The following NOL11 variants were observed in gnomAD, a reference collection of about 807,000 sequenced individuals.
The protein encoded by NOL11 is nucleolar protein 11.
In NOL11, 42 loss-of-function variants were observed where a neutral mutation model predicts 93.0. The observed-to-expected ratio is 0.45, with a 90% CI of 0.35 to 0.58. NOL11 has a LOEUF of 0.58. NOL11 is among the 20% of genes least tolerant of loss of function. NOL11 has a pLI of 0.00. For synonymous variants in NOL11, 296 were observed against 293.7 expected (o/e 1.01, Z -0.08); for missense variants, 775 against 841.8 (o/e 0.92, Z 0.98).
intron 7 of NOL11, among the ~76,000 whole-genome samples, chr17:67,732,832 C>A (rs2055166796): frequency 6.6e-6 from 1 of 151,540 alleles, no homozygotes; most frequent in South Asian, 2.1e-4. Flanking sequence ...TCTCGGCCTC[C>A]CAAAGTGCTA....
At chr17:67,724,332 CTTTT>C (rs34287872) in intron 6 of NOL11, 139 bp downstream of exon 6, 1,528 of 249,230 alleles carry the variant, frequency 6.1e-3, no homozygotes, top group South Asian at 0.013. Flanking sequence ...CATGCCTTCA[CTTTT>C]TTTTTTTTTT....
At chr17:67,729,703 C>G (rs1219354808) in intron 7 of NOL11, among the ~76,000 whole-genome samples, 1 of 152,104 alleles carries the variant, frequency 6.6e-6, no homozygotes, top group South Asian at 2.1e-4. Context: ...CTCAGCCTCC[C>G]GAGTAGCTGG....
intron 7 of NOL11, among the ~76,000 whole-genome samples, chr17:67,728,036 T>G (rs767810045): frequency 1.1e-4 from 16 of 151,906 alleles, no homozygotes; most frequent in Non-Finnish European, 1.5e-4. Context: ...CAAGACGGGC[T>G]GATCACAAGG....
At chr17:67,725,999 C>T (rs937955878) in intron 6 of NOL11, among the ~76,000 whole-genome samples, 1 of 152,134 alleles carries the variant, frequency 6.6e-6, no homozygotes, top group Non-Finnish European at 1.5e-5. Context: ...AAAGATAGAT[C>T]ACTTGAGCCC....
At position 67,743,470 on chromosome 17, in the gene NOL11, C is replaced by T. The variant is rs200362141; in HGVS notation, c.1936-9C>T. ...AAAATCTTAACTTCCTTTTCCTATT[C>T]ATCTTCAGATTATGGATTGGATATG... On this transcript the variant is annotated splice_polypyrimidine_tract_variant and intron_variant, in intron 16 of 17. Transcript: ENST00000253247. 49 of 1,236,204 alleles carry T rather than the reference C, an allele frequency of 4.0e-5. No homozygotes were observed. Among genetic ancestry groups the T allele is most frequent in the Non-Finnish European group, 5.6e-5 (48 of 854,376 alleles). The allele number at this position is 1,236,204 out of a possible 1,614,324, so 76.6% of individuals were successfully genotyped here. A position where few individuals can be genotyped will look rare whatever the true frequency, so the allele number is the denominator to read the frequency against.
At chr17:67,735,471 C>CTTTT (rs2055192707) in intron 8 of NOL11, among the ~76,000 whole-genome samples, 1 of 148,736 alleles carries the variant, frequency 6.7e-6, no homozygotes. Context: ...TTTTTATTTC[C>CTTTT]TTGTTCCCTC....
At chr17:67,720,826 T>G (rs568368076) in intron 3 of NOL11, among the ~76,000 whole-genome samples, 39 of 152,368 alleles carry the variant, frequency 2.6e-4, no homozygotes, top group Admixed American at 9.1e-4. Flanking sequence ...AATTCAGATA[T>G]AATGCAGTTG....
At chr17:67,724,828 G>T (rs1377841673) in intron 6 of NOL11, among the ~76,000 whole-genome samples, 1 of 152,136 alleles carries the variant, frequency 6.6e-6, no homozygotes, top group Non-Finnish European at 1.5e-5. Context: ...GGAGGCTGAG[G>T]TGGGCAGATC....
intron 6 of NOL11, 116 bp downstream of exon 6, chr17:67,724,309 T>TA (rs1218353963): frequency 1.7e-6 from 1 of 584,902 alleles, no homozygotes; most frequent in African/African-American, 1.9e-5. Flanking sequence ...TTTCTGTGCT[T>TA]CTTTACAGCG....
chr17:67,743,342 C>T, intron 16 of NOL11, 137 bp from the exon 17 acceptor site: 3 of 448,170 alleles, frequency 6.7e-6, no homozygotes, highest in Non-Finnish European at 8.0e-6. Context: ...GAAATTGCTC[C>T]ATCTCTAAAC....
In NOL11 at chr17:67,735,888, C is replaced by A; in HGVS notation, c.931-12C>A. The A allele has an allele frequency of 6.3e-7, 1 of 1,596,960 alleles. No individual in the cohort carries two copies. The highest frequency in any genetic ancestry group is 1.1e-5 in the South Asian group (1 of 87,916). ...AAAAATTTGCTTATGTTTTTGATAA[C>A]TTTTTTTGTAGCTCTGGTATTATGG... On this transcript the variant is annotated splice_polypyrimidine_tract_variant and intron_variant, in intron 8 of 17. Transcript: ENST00000253247.
chr17:67,731,782 C>G (rs2055156368), intron 7 of NOL11, among the ~76,000 whole-genome samples: 1 of 152,148 alleles, frequency 6.6e-6, no homozygotes, highest in Admixed American at 6.5e-5. Context: ...CACAGTGGTC[C>G]TGGCACCTTT....
chr17:67,731,194 A>G (rs932927426), intron 7 of NOL11, among the ~76,000 whole-genome samples: 1 of 150,186 alleles, frequency 6.7e-6, no homozygotes, highest in African/African-American at 2.5e-5. Context: ...ATTTCCAAAT[A>G]TTTTCTCCCA....
chr17:67,738,042 A>C (rs970748529), intron 13 of NOL11, 70 bp downstream of exon 13: 5 of 1,555,032 alleles, frequency 3.2e-6, no homozygotes, highest in African/African-American at 1.4e-5. Context: ...GATTTCCAAA[A>C]TTTTGATGCT....
At chr17:67,727,722 G>C (rs1188503174) in intron 7 of NOL11, among the ~76,000 whole-genome samples, 1 of 152,002 alleles carries the variant, frequency 6.6e-6, no homozygotes, top group Non-Finnish European at 1.5e-5. Flanking sequence ...CCAGCACCTG[G>C]GGAGGCTGAG....
At chr17:67,722,519 T>C (rs2043225081) in intron 4 of NOL11, 61 bp from the exon 5 acceptor site, 1 of 1,530,972 alleles carries the variant, frequency 6.5e-7, no homozygotes, top group Non-Finnish European at 8.7e-7. Context: ...TTTTGATTGA[T>C]ATGTGTCTCC....
intron 10 of NOL11, 105 bp downstream of exon 10, chr17:67,736,859 C>G: frequency 1.1e-6 from 1 of 890,034 alleles, no homozygotes; most frequent in Non-Finnish European, 1.8e-6. Flanking sequence ...AGAGCTTTGA[C>G]TATAATGACA....
chr17:67,735,980 AT>A lies in NOL11; in HGVS notation c.1013del (p.Leu338Ter). On this transcript the variant is annotated frameshift_variant, in exon 9 of 18. Transcript: ENST00000253247. LOFTEE classifies it high-confidence loss of function. ...VIPYKCEVSS[L>X]AGALGKLKHS... is the part of the protein sequence containing the mutation. ...TTCCATACAAGTGTGAAGTGTCATC[AT>A]TAGCAGGTGCTCTTGGAAAACTCAA... 6.2e-7 allele frequency: 1 copy of A among 1,611,392 alleles called. No homozygotes were observed. The highest frequency in any genetic ancestry group is 8.5e-7 in the Non-Finnish European group (1 of 1,178,658).
At chr17:67,736,475 C>G in intron 9 of NOL11, 191 bp from the exon 10 acceptor site, 1 of 539,954 alleles carries the variant, frequency 1.9e-6, no homozygotes, top group Non-Finnish European at 3.3e-6. Context: ...CATCTGTTAG[C>G]TTAACGTTGT....
Sources: gnomAD v4.1 joint callset for allele counts (sites outside exome capture counted in the v4.1 genomes callset) on GRCh38, gnomAD v4.1.1 for gene constraint, MANE v1.5 for transcripts, NCBI Gene and HGNC (gene_info 2026-07-23, HGNC 2026-07-21) for gene names.